ATL3: variants seen among roughly 807,000 people sequenced by gnomAD.
ATL3 encodes atlastin-3.
Under a neutral mutation model 69.5 loss-of-function variants are expected in ATL3, and 49 were observed. The ratio of observed to expected loss-of-function variants is 0.71; its 90% CI spans 0.56 to 0.89. The LOEUF is 0.89. Ranked by LOEUF, ATL3 falls within the 40% of genes least tolerant of loss-of-function variation. The pLI is 0.00. For synonymous variants in ATL3, 214 were observed against 224.1 expected (o/e 0.95, Z 0.40); for missense variants, 606 against 645.7 (o/e 0.94, Z 0.67).
intron 1 of ATL3, among the ~76,000 whole-genome samples, chr11:63,668,016 G>T (rs905472989): frequency 6.6e-6 from 1 of 152,142 alleles, no homozygotes; most frequent in Non-Finnish European, 1.5e-5. Flanking sequence ...CATAGGTTAA[G>T]AACCACTGAG....
intron 3 of ATL3, among the ~76,000 whole-genome samples, chr11:63,657,623 GC>G (rs1356714648): frequency 6.6e-6 from 1 of 152,214 alleles, no homozygotes; most frequent in African/African-American, 2.4e-5. Flanking sequence ...TCTGTTAGAA[GC>G]CTTACAGTAG....
At position 63,643,497 on chromosome 11, in the gene ATL3, T is replaced by C. The variant is rs1241913696; in HGVS notation, c.712-2A>G. ...TTCTTCATGTTGATGTTCCTTCACCTGCCAATGAAGACCAAGAATTTACCA... is the reference window on the plus strand; with the variant it reads ...TTCTTCATGTTGATGTTCCTTCACCCGCCAATGAAGACCAAGAATTTACCA... On this transcript the variant is annotated splice_acceptor_variant, in intron 7 of 12. Coordinates refer to ENST00000398868, the MANE Select transcript of ATL3 (RefSeq NM_015459.5). LOFTEE classifies it high-confidence loss of function. 5 of 1,603,884 alleles carry C rather than the reference T, an allele frequency of 3.1e-6. No individual in the cohort carries two copies. Among genetic ancestry groups the C allele is most frequent in the Non-Finnish European group, 4.3e-6 (5 of 1,175,484 alleles).
intron 1 of ATL3, among the ~76,000 whole-genome samples, chr11:63,668,651 A>AG (rs752675246): frequency 3.9e-4 from 59 of 152,110 alleles, no homozygotes; most frequent in Non-Finnish European, 6.5e-4. Flanking sequence ...ATCCAAGGAG[A>AG]GGGCTGAATC....
rs1362135554 is a variant in ATL3 at position 63,632,212 on chromosome 11, AC to A, written c.1108-742del. On this transcript the variant is annotated intron_variant, in intron 11 of 12. Coordinates refer to ENST00000398868, the MANE Select transcript of ATL3 (RefSeq NM_015459.5). ...TCTATGACCAATGGTGGCAGAGTCTACATAGAACTATGCTTCGTGGTGCTCT... is the reference window on the plus strand; with the variant it reads ...TCTATGACCAATGGTGGCAGAGTCTAATAGAACTATGCTTCGTGGTGCTCT... 4.7e-6 allele frequency: 3 copies of A among 644,692 alleles called. No homozygotes were observed. In the East Asian group the frequency reaches 8.7e-5, roughly 19 times the overall value. The allele number at this position is 644,692 out of a possible 1,614,324, so 39.9% of individuals were successfully genotyped here. A position where few individuals can be genotyped will look rare whatever the true frequency, so the allele number is the denominator to read the frequency against.
At chr11:63,639,711 C>A (rs760431982) in intron 8 of ATL3, among the ~76,000 whole-genome samples, 1 of 151,994 alleles carries the variant, frequency 6.6e-6, no homozygotes, top group East Asian at 1.9e-4. Context: ...GCTACAATCA[C>A]GCCACTGCAC....
chr11:63,660,100 T>C (rs1434288842), intron 1 of ATL3, among the ~76,000 whole-genome samples: 1 of 150,238 alleles, frequency 6.7e-6, no homozygotes, highest in Admixed American at 6.6e-5. Flanking sequence ...AAAAAAGTAC[T>C]ATCCATAAAA....
intron 5 of ATL3, 24 bp downstream of exon 5, chr11:63,651,911 TA>T: frequency 6.3e-7 from 1 of 1,578,888 alleles, no homozygotes; most frequent in Non-Finnish European, 8.6e-7. Flanking sequence ...AATATGATGT[TA>T]AAATTGTTAT....
rs556190052 is a variant in ATL3 at position 63,628,029 on chromosome 11, G to A, written c.*1290C>T. ...TGAAATTAGACATCAATTAAACGCA[G>A]TAATATTTGTATCTTCCCTCTAATC... is the stretch of plus-strand genomic sequence containing the variant. On this transcript the variant is annotated 3_prime_UTR_variant, in exon 13 of 13. Transcript: ENST00000398868. 4.6e-5 allele frequency: 7 copies of A among 152,274 alleles called. No individual in the cohort carries two copies. Among genetic ancestry groups the A allele is most frequent in the South Asian group, 4.1e-4 (2 of 4,824 alleles). 9.4% of individuals were successfully genotyped at this position (152,274 alleles called of 1,614,324 possible).
At chr11:63,660,116 T>C (rs1178214254) in intron 1 of ATL3, among the ~76,000 whole-genome samples, 1 of 143,614 alleles carries the variant, frequency 7.0e-6, no homozygotes, top group African/African-American at 2.6e-5. Context: ...TAAAAGAAAA[T>C]AAAATGACAA....
At chr11:63,671,521 AC>A, upstream of ATL3, 1 of 1,436,454 alleles carries the variant, frequency 7.0e-7, no homozygotes, top group Non-Finnish European at 9.1e-7. Flanking sequence ...GGCCCAACGG[AC>A]AGCCCGAGGC....
intron 3 of ATL3, among the ~76,000 whole-genome samples, chr11:63,654,035 T>C (rs2134511371): frequency 6.6e-6 from 1 of 152,264 alleles, no homozygotes; most frequent in African/African-American, 2.4e-5. Flanking sequence ...TTGTAACAAA[T>C]GTATCACACT....
At chr11:63,656,927 G>A (rs553957356) in intron 3 of ATL3, among the ~76,000 whole-genome samples, 14 of 152,000 alleles carry the variant, frequency 9.2e-5, no homozygotes, top group Non-Finnish European at 1.9e-4. Flanking sequence ...AAATATCAAA[G>A]GTGGCCAGGT....
In ATL3 at chr11:63,643,481, T is replaced by C. The variant is rs1027989023; in HGVS notation, c.726A>G (p.Gln242=). The C allele has an allele frequency of 6.2e-7, 1 of 1,610,978 alleles. No homozygotes were observed. The change falls in exon 8 of 13, where the codon CAA becomes CAG. Residue 242 remains glutamine, a synonymous_variant. Transcript: ENST00000398868. ...LDKRLQVKEH[Q]HEEIQNVRNH... Reference sequence around the variant, plus strand: ...TTCGAACATTCTGAATTTCTTCATGTTGATGTTCCTTCACCTGCCAATGAA... The same window carrying C: ...TTCGAACATTCTGAATTTCTTCATGCTGATGTTCCTTCACCTGCCAATGAA...
intron 1 of ATL3, among the ~76,000 whole-genome samples, chr11:63,666,124 C>T (rs1287916303): frequency 6.6e-6 from 1 of 152,078 alleles, no homozygotes; most frequent in African/African-American, 2.4e-5. Context: ...CTCACTGCAA[C>T]CTCTGCCTCC....
intron 5 of ATL3, among the ~76,000 whole-genome samples, chr11:63,651,200 T>TA (rs1467111645): frequency 2.0e-5 from 3 of 152,110 alleles, no homozygotes; most frequent in Non-Finnish European, 4.4e-5. Flanking sequence ...CTCATGCCTG[T>TA]AATCCCAGCA....
At chr11:63,637,023 A>C (rs1939542161) in intron 8 of ATL3, among the ~76,000 whole-genome samples, 1 of 152,176 alleles carries the variant, frequency 6.6e-6, no homozygotes, top group East Asian at 1.9e-4. Flanking sequence ...TCACGCCTGT[A>C]ATCCCAGCAC....
At chr11:63,661,104 T>A (rs1043585610) in intron 1 of ATL3, among the ~76,000 whole-genome samples, 2 of 151,072 alleles carry the variant, frequency 1.3e-5, no homozygotes, top group African/African-American at 4.9e-5. Context: ...ACGCCTGTGG[T>A]CCCAGCTACT....
At chr11:63,665,582 C>A (rs1374878467) in intron 1 of ATL3, among the ~76,000 whole-genome samples, 1 of 152,006 alleles carries the variant, frequency 6.6e-6, no homozygotes, top group African/African-American at 2.4e-5. Flanking sequence ...TATCAACACC[C>A]ACCAGATTAA....
rs142474724 is a variant in ATL3, at chr11:63,652,724, AT to A, written c.406-150del. 0.015 allele frequency: 7,621 copies of A among 519,538 alleles called. 93 individuals are homozygous for A. Among genetic ancestry groups the A allele is most frequent in the Non-Finnish European group, 0.02 (5,972 of 292,902 alleles). The allele number at this position is 519,538 out of a possible 1,614,324, so 32.2% of individuals were successfully genotyped here. ...ACCTGCTTGTAGGTTCTGTACAACTATTTAGGTGCTTTGCTTTGACTACAGC... is the reference window on the plus strand; with the variant it reads ...ACCTGCTTGTAGGTTCTGTACAACTATTAGGTGCTTTGCTTTGACTACAGC... On this transcript the variant is annotated intron_variant, in intron 3 of 12. Transcript: ENST00000398868.
Sources: gnomAD v4.1 joint callset for allele counts (sites outside exome capture counted in the v4.1 genomes callset) on GRCh38, gnomAD v4.1.1 for gene constraint, MANE v1.5 for transcripts, NCBI Gene and HGNC (gene_info 2026-07-23, HGNC 2026-07-21) for gene names.